Variants in SLC2A9 observed in about 807,000 individuals in gnomAD.
SLC2A9 encodes the protein solute carrier family 2, facilitated glucose transporter member 9.
SLC2A9 carries 39 observed loss-of-function variants against 50.6 expected under a neutral mutation model. The observed-to-expected ratio is 0.77, with a 90% CI of 0.60 to 1.01. The LOEUF is 1.01. Among genes scored for constraint, SLC2A9 ranks in the 50% least tolerant of loss-of-function variants. The pLI is 0.00. For missense variants in SLC2A9, 686 were observed against 677.6 expected (o/e 1.01, Z -0.14); for synonymous variants, 324 against 276.9 (o/e 1.17, Z -1.69).
intron 10 of SLC2A9, among the ~76,000 whole-genome samples, chr4:9,859,248 C>CT (rs144010219): frequency 1.9e-4 from 2 of 10,358 alleles, no homozygotes; most frequent in African/African-American, 3.6e-3. Context: ...CTCTAAAGAA[C>CT]CCTATTATAG....
At chr4:9,921,298 T>C (rs536215229) in intron 6 of SLC2A9, among the ~76,000 whole-genome samples, 7 of 151,890 alleles carry the variant, frequency 4.6e-5, no homozygotes, top group Non-Finnish European at 7.4e-5. Context: ...AGAGAACCCA[T>C]CATTTTTTTT....
At chr4:9,963,863 G>C (rs774732031) in intron 5 of SLC2A9, among the ~76,000 whole-genome samples, 5 of 152,222 alleles carry the variant, frequency 3.3e-5, no homozygotes, top group Non-Finnish European at 7.3e-5. Flanking sequence ...GGAACCACCT[G>C]CTTCAAGATT....
chr4:9,970,987 G>T (rs13113006), intron 5 of SLC2A9, among the ~76,000 whole-genome samples: 2 of 152,050 alleles, frequency 1.3e-5, no homozygotes, highest in East Asian at 3.9e-4. Context: ...TGCAGCCCCC[G>T]TCATGTACCG....
chr4:9,790,608 G>A (rs1454923106), intron 3 of SLC2A9, among the ~76,000 whole-genome samples: 1 of 152,250 alleles, frequency 6.6e-6, no homozygotes, highest in East Asian at 1.9e-4. Context: ...TTGGGAGGTG[G>A]GGGATGTGTG....
intron 11 of SLC2A9, among the ~76,000 whole-genome samples, chr4:9,833,430 G>A (rs1726512683): frequency 6.6e-6 from 1 of 152,200 alleles, no homozygotes; most frequent in East Asian, 1.9e-4. Flanking sequence ...TGGGTTTGAT[G>A]CTGACTGTGG....
chr4:9,921,310 T>A (rs1743910867), intron 6 of SLC2A9, among the ~76,000 whole-genome samples: 1 of 152,168 alleles, frequency 6.6e-6, no homozygotes, highest in Non-Finnish European at 1.5e-5. Context: ...ATTTTTTTTT[T>A]AAATGAAGAC....
chr4:10,028,282 A>AT, intron 1 of SLC2A9, among the ~76,000 whole-genome samples: 1 of 152,328 alleles, frequency 6.6e-6, no homozygotes, highest in East Asian at 1.9e-4. Context: ...CTCCCTTTTC[A>AT]TGAGAAAAGC....
chr4:9,888,012 C>T (rs979445203), intron 9 of SLC2A9, among the ~76,000 whole-genome samples: 2 of 148,646 alleles, frequency 1.3e-5, no homozygotes, highest in African/African-American at 2.5e-5. Flanking sequence ...CAAACTGACA[C>T]AAGAACCGAA....
At chr4:9,824,167 G>C (rs1341094255), downstream of SLC2A9, among the ~76,000 whole-genome samples, 1 of 152,084 alleles carries the variant, frequency 6.6e-6, no homozygotes, top group South Asian at 2.1e-4. Context: ...GTTTTATAAA[G>C]AGAAGAGAGA....
intron 10 of SLC2A9, among the ~76,000 whole-genome samples, chr4:9,854,288 T>C (rs1730408847): frequency 6.6e-6 from 1 of 151,686 alleles, no homozygotes. Flanking sequence ...CAATCAGAAG[T>C]GACAAAGAGA....
At chr4:9,882,567 G>A (rs1457232499) in intron 10 of SLC2A9, among the ~76,000 whole-genome samples, 2 of 152,058 alleles carry the variant, frequency 1.3e-5, no homozygotes, top group Non-Finnish European at 2.9e-5. Context: ...AAATTAGCCA[G>A]GCGTGATGGT....
intron 3 of SLC2A9, among the ~76,000 whole-genome samples, chr4:9,994,865 G>A (rs187514884): frequency 2.0e-5 from 3 of 152,190 alleles, no homozygotes; most frequent in African/African-American, 7.2e-5. Flanking sequence ...TGGGGCATGG[G>A]GAGTGACTCC....
intron 3 of SLC2A9, chr4:9,784,075 T>TG (rs2108859820): frequency 6.1e-6 from 1 of 164,924 alleles, no homozygotes; most frequent in African/African-American, 2.4e-5. Flanking sequence ...AAACGATGAG[T>TG]GCATCCTTAA....
chr4:9,936,228 A>G (rs10017945), intron 6 of SLC2A9, among the ~76,000 whole-genome samples: 49,807 of 152,092 alleles, frequency 0.33, 9,492 homozygotes, highest in African/African-American at 0.51. Flanking sequence ...AACAGGATTC[A>G]TGCCTTTATA....
intron 11 of SLC2A9, among the ~76,000 whole-genome samples, chr4:9,829,183 C>A (rs2109096867): frequency 6.6e-6 from 1 of 152,294 alleles, no homozygotes; most frequent in Non-Finnish European, 1.5e-5. Context: ...GTGGGTGGAT[C>A]ACTTGAGGTC....
intron 5 of SLC2A9, among the ~76,000 whole-genome samples, chr4:9,975,185 A>G (rs1754581638): frequency 6.6e-6 from 1 of 152,226 alleles, no homozygotes; most frequent in Non-Finnish European, 1.5e-5. Flanking sequence ...CATTCTGGAC[A>G]TTGGCCTTGG....
At chr4:10,034,198 G>A (rs1004653421) in intron 1 of SLC2A9, 7 of 152,274 alleles carry the variant, frequency 4.6e-5, no homozygotes, top group African/African-American at 1.7e-4. Flanking sequence ...GAAAAGTATG[G>A]AGTCAAACTG....
At chr4:9,860,689 T>C (rs564477220) in intron 10 of SLC2A9, among the ~76,000 whole-genome samples, 4 of 152,342 alleles carry the variant, frequency 2.6e-5, no homozygotes, top group South Asian at 4.1e-4. Context: ...CCTCAATTGA[T>C]GGGCAACTCA....
chr4:9,856,932 G>A (rs1730821008), intron 10 of SLC2A9, among the ~76,000 whole-genome samples: 1 of 152,116 alleles, frequency 6.6e-6, no homozygotes, highest in African/African-American at 2.4e-5. Flanking sequence ...ATGGACACAA[G>A]GGAACAATGA....
Sources: allele counts gnomAD v4.1 joint callset (sites outside exome capture counted in the v4.1 genomes callset), GRCh38; gene constraint gnomAD v4.1.1; transcripts MANE v1.5; gene names NCBI Gene and HGNC (gene_info 2026-07-23, HGNC 2026-07-21).